COPS9: variants seen among roughly 807,000 people sequenced by gnomAD.
COPS9 encodes COP9 signalosome subunit 9.
Under a neutral mutation model 7.2 loss-of-function variants are expected in COPS9, and 8 were observed. The observed-to-expected ratio is 1.11, with a 90% CI of 0.65 to 2.00. COPS9 has a LOEUF of 2.00. Ranked by LOEUF, COPS9 falls within the 30% of genes most tolerant of loss-of-function variation. The pLI, the probability that COPS9 is intolerant of heterozygous loss-of-function variation, is 0.00. For missense variants in COPS9, 74 were observed against 77.7 expected (o/e 0.95, Z 0.18); for synonymous variants, 39 against 28.7 (o/e 1.36, Z -1.14).
At chr2:240,134,327 T>C (rs1436380212) in intron 1 of COPS9, 1 of 261,566 alleles carries the variant, frequency 3.8e-6, no homozygotes, top group Non-Finnish European at 7.2e-6. Context: ...TCGCCGGACA[T>C]CGCCAGAGGC....
chr2:240,134,473 C>G (rs147455530), intron 1 of COPS9, among the ~76,000 whole-genome samples: 1 of 152,136 alleles, frequency 6.6e-6, no homozygotes, highest in Non-Finnish European at 1.5e-5. Context: ...TATCATGGAC[C>G]GTCCACTGCC....
At chr2:240,129,949 G>C, downstream of COPS9, 2 of 1,613,994 alleles carry the variant, frequency 1.2e-6, no homozygotes, top group South Asian at 1.1e-5. Flanking sequence ...GCCTTCCCAC[G>C]GACCCCGTGC....
In COPS9 at chr2:240,130,883, G is replaced by T. The variant is rs1214468441; in HGVS notation, c.*168C>A. 7.0e-7 allele frequency: 1 copy of T among 1,438,628 alleles called. No homozygotes were observed. The highest frequency in any genetic ancestry group is 9.1e-7 in the Non-Finnish European group (1 of 1,096,710). The allele number at this position is 1,438,628 out of a possible 1,614,324, so 89.1% of individuals were successfully genotyped here. A position where few individuals can be genotyped will look rare whatever the true frequency, so the allele number is the denominator to read the frequency against. On this transcript the variant is annotated 3_prime_UTR_variant, in exon 3 of 3. Coordinates refer to ENST00000607357, the MANE Select transcript of COPS9 (RefSeq NM_001163424.2). ...ACAAAACCTGATCCCGTTCAGAGAT[G>T]AACAGAATCATCTAGGTCGTTAAGA...
In COPS9 at chr2:240,130,850, G is replaced by A; in HGVS notation, c.*201C>T. ...ATGTGACATTGCTTTCTTTTAATTG[G>A]AGTGAGGACAAAACCTGATCCCGTT... On this transcript the variant is annotated 3_prime_UTR_variant, in exon 3 of 3. Coordinates refer to ENST00000607357, the MANE Select transcript of COPS9 (RefSeq NM_001163424.2). The A allele has an allele frequency of 7.1e-7, 1 of 1,408,162 alleles. No homozygotes were observed. The allele number at this position is 1,408,162 out of a possible 1,614,324, so 87.2% of individuals were successfully genotyped here.
chr2:240,130,105 G>A, downstream of COPS9: 1 of 1,183,216 alleles, frequency 8.5e-7, no homozygotes, highest in Non-Finnish European at 1.2e-6. Flanking sequence ...AGAAAAAGAG[G>A]CAGAGCTGAC....
downstream of COPS9, chr2:240,130,003 G>T: frequency 1.2e-6 from 2 of 1,613,812 alleles, no homozygotes; most frequent in Non-Finnish European, 1.7e-6. Flanking sequence ...GAGGACTGCT[G>T]GCTTGTCCTG....
chr2:240,130,912 G>C lies in COPS9; in HGVS notation c.*139C>G, dbSNP rs1457081252. 4.1e-6 allele frequency: 6 copies of C among 1,472,880 alleles called. No homozygotes were observed. The highest frequency in any genetic ancestry group is 5.4e-6 in the Non-Finnish European group (6 of 1,112,530). The allele number at this position is 1,472,880 out of a possible 1,614,324, so 91.2% of individuals were successfully genotyped here. A position where few individuals can be genotyped will look rare whatever the true frequency, so the allele number is the denominator to read the frequency against. On this transcript the variant is annotated 3_prime_UTR_variant, in exon 3 of 3. Transcript: ENST00000607357. ...AGAATCATCTAGGTCGTTAAGAACA[G>C]TCTTATCTTTCTGGTTAACCAGGTC...
At chr2:240,134,928 G>A (rs2071959923) in intron 1 of COPS9, among the ~76,000 whole-genome samples, 1 of 152,064 alleles carries the variant, frequency 6.6e-6, no homozygotes, top group South Asian at 2.1e-4. Context: ...CCACCCTACA[G>A]AGCAAGTCGG....
downstream of COPS9, among the ~76,000 whole-genome samples, chr2:240,127,684 C>T (rs1049943166): frequency 3.3e-5 from 5 of 152,168 alleles, no homozygotes; most frequent in African/African-American, 1.2e-4. Flanking sequence ...CACAGCAAGG[C>T]ACCACCTAAG....
downstream of COPS9, among the ~76,000 whole-genome samples, chr2:240,127,539 C>T (rs957217425): frequency 1.3e-5 from 2 of 152,162 alleles, no homozygotes; most frequent in Non-Finnish European, 1.5e-5. Context: ...CACATCGAAT[C>T]CTCACCCCCA....
At chr2:240,126,830 C>A, downstream of COPS9, 3 of 1,614,214 alleles carry the variant, frequency 1.9e-6, no homozygotes, top group Non-Finnish European at 1.7e-6. Flanking sequence ...TGCCACACAG[C>A]GGATGTTCTC....
At chr2:240,130,053 C>G, downstream of COPS9, 1 of 1,584,530 alleles carries the variant, frequency 6.3e-7, no homozygotes, top group South Asian at 1.1e-5. Context: ...AGGACAGGAG[C>G]TCCATCAGGA....
chr2:240,130,595 G>A (rs561886070), downstream of COPS9, among the ~76,000 whole-genome samples: 2 of 152,352 alleles, frequency 1.3e-5, no homozygotes, highest in East Asian at 1.9e-4. Flanking sequence ...GCAGAGGGGC[G>A]GCCCCGTGGC....
chr2:240,129,736 T>A (rs534481275), downstream of COPS9, among the ~76,000 whole-genome samples: 28 of 152,130 alleles, frequency 1.8e-4, no homozygotes, highest in African/African-American at 6.8e-4. Flanking sequence ...ACGAAATGAA[T>A]TGCAAGAACA....
At chr2:240,135,956 G>T (rs2071973323) in intron 1 of COPS9, 1 of 508,046 alleles carries the variant, frequency 2.0e-6, no homozygotes, top group South Asian at 3.4e-5. Context: ...GGGCCGTGGG[G>T]GCACCCAGCA....
intron 2 of COPS9, among the ~76,000 whole-genome samples, chr2:240,133,258 C>A (rs1413551276): frequency 6.6e-6 from 1 of 152,214 alleles, no homozygotes; most frequent in Non-Finnish European, 1.5e-5. Context: ...ATTATTTGAA[C>A]CCTTAGTAAA....
chr2:240,134,995 GAAGCC>G (rs1193562902), intron 1 of COPS9, among the ~76,000 whole-genome samples: 1 of 21,186 alleles, frequency 4.7e-5, no homozygotes, highest in East Asian at 2.7e-3. Flanking sequence ...CTAGGACTGT[GAAGCC>G]TAGGACTGTA....
chr2:240,136,129 T>G, intron 1 of COPS9, 93 bp downstream of exon 1: 5 of 877,842 alleles, frequency 5.7e-6, no homozygotes, highest in Non-Finnish European at 6.0e-6. Flanking sequence ...CCGCCCGGCC[T>G]CCCCTCCCCG....
intron 2 of COPS9, among the ~76,000 whole-genome samples, chr2:240,133,671 C>T (rs1343327390): frequency 1.3e-5 from 2 of 152,190 alleles, no homozygotes; most frequent in African/African-American, 2.4e-5. Flanking sequence ...ACATGTAACA[C>T]GCATGCCAGA....
Sources: gnomAD v4.1 joint callset for allele counts (sites outside exome capture counted in the v4.1 genomes callset) on GRCh38, gnomAD v4.1.1 for gene constraint, MANE v1.5 for transcripts, NCBI Gene and HGNC (gene_info 2026-07-23, HGNC 2026-07-21) for gene names.